PPIC: variants seen among roughly 807,000 people sequenced by gnomAD.
PPIC encodes peptidyl-prolyl cis-trans isomerase C.
In PPIC, 19 loss-of-function variants were observed where a neutral mutation model predicts 19.5. The ratio of observed to expected loss-of-function variants is 0.98; its 90% confidence interval spans 0.68 to 1.43. The LOEUF is 1.43. PPIC is among the 40% of genes most tolerant of loss of function. The probability of loss-of-function intolerance (pLI) is 0.00; values close to 1 mark genes in which losing one functional copy is unlikely to be tolerated. For synonymous variants in PPIC, 107 were observed against 101.2 expected (o/e 1.06, Z -0.34); for missense variants, 268 against 268.6 (o/e 1.00, Z 0.02).
At chr5:123,035,365 C>T (rs1380798383) in intron 1 of PPIC, among the ~76,000 whole-genome samples, 2 of 152,158 alleles carry the variant, frequency 1.3e-5, no homozygotes, top group Admixed American at 1.3e-4. Context: ...AAACCATTTC[C>T]CAAAGTTAGA....
At position 123,036,303 on chromosome 5, in the gene PPIC, GCCCAGC is replaced by G; in HGVS notation, c.117+200_117+205del. The G allele has an allele frequency of 1.7e-6, 1 of 584,494 alleles. No individual in the cohort carries two copies. Among genetic ancestry groups the G allele is most frequent in the Admixed American group, 3.0e-5 (1 of 33,294 alleles). The allele number at this position is 584,494 out of a possible 1,614,324, so 36.2% of individuals were successfully genotyped here. A position where few individuals can be genotyped will look rare whatever the true frequency, so the allele number is the denominator to read the frequency against. On this transcript the variant is annotated intron_variant, in intron 1 of 4. Transcript: ENST00000306442. This position sits in a 1 kb window ranked among gnomAD's most constrained non-coding sequence, Gnocchi z 4.5. Reference sequence around the variant, plus strand: ...CTGCGGCGGAGGTAGGCTGGCCTCAGCCCAGCTCCCCCAGGGTCTCCCCCGGAGCGC... The same window carrying G: ...CTGCGGCGGAGGTAGGCTGGCCTCAGTCCCCCAGGGTCTCCCCCGGAGCGC...
chr5:123,028,357 C>G lies in PPIC; in HGVS notation c.325+418G>C, dbSNP rs45627139. 3.2e-3 allele frequency: 523 copies of G among 161,708 alleles called. 4 individuals carry two copies. The highest frequency in any genetic ancestry group is 0.012 in the African/African-American group (498 of 41,922). The allele number at this position is 161,708 out of a possible 1,614,324, so 10.0% of individuals were successfully genotyped here. A position where few individuals can be genotyped will look rare whatever the true frequency, so the allele number is the denominator to read the frequency against. On this transcript the variant is annotated intron_variant, in intron 3 of 4. Coordinates refer to ENST00000306442, the MANE Select transcript of PPIC (RefSeq NM_000943.5). Reference sequence around the variant, plus strand: ...GTGCGCTGTGACCCTGCTGCTAACTCTAGTCTCAATCTCCTGGCATGAGGC... The same window carrying G: ...GTGCGCTGTGACCCTGCTGCTAACTGTAGTCTCAATCTCCTGGCATGAGGC...
intron 1 of PPIC, among the ~76,000 whole-genome samples, chr5:123,031,411 G>A (rs988046119): frequency 6.6e-6 from 1 of 152,172 alleles, no homozygotes; most frequent in Non-Finnish European, 1.5e-5. Flanking sequence ...GAGGAGGGGA[G>A]CCATCTCCCC....
chr5:123,035,970 C>T (rs2150191451), intron 1 of PPIC, among the ~76,000 whole-genome samples: 1 of 152,250 alleles, frequency 6.6e-6, no homozygotes, highest in South Asian at 2.1e-4. Flanking sequence ...GACGGTTCCC[C>T]AAAAGAGGCG....
chr5:123,024,124 TGG>T, intron 4 of PPIC, 121 bp from the exon 5 acceptor site: 2 of 1,145,152 alleles, frequency 1.7e-6, no homozygotes, highest in Non-Finnish European at 2.4e-6. Context: ...GTTGGTTGGT[TGG>T]TTTTTTATGA....
Position 123,036,515 on chromosome 5 carries a change from C to A in PPIC, c.111G>T (p.Thr37=), listed in dbSNP as rs767757035. Residue 37 remains threonine, a synonymous_variant, in exon 1 of 5, where the codon ACG becomes ACT. Transcript: ENST00000306442. The surrounding 1 kb of genome is among the most constrained non-coding windows in gnomAD (Gnocchi z 4.5). ...EGFRKRGPSV[T]AKVFFDVRIG... Reference sequence around the variant, plus strand: ...GCCCGCCGCTCTCGGTCACCTTGGCCGTCACCGAGGGGCCTCGCTTGCGGA... The same window carrying A: ...GCCCGCCGCTCTCGGTCACCTTGGCAGTCACCGAGGGGCCTCGCTTGCGGA... The A allele has an allele frequency of 2.5e-6, 4 of 1,606,526 alleles. No individual in the cohort carries two copies. The highest frequency in any genetic ancestry group is 2.2e-5 in the East Asian group (1 of 44,684).
intron 1 of PPIC, among the ~76,000 whole-genome samples, chr5:123,034,909 A>C (rs762629174): frequency 5.3e-5 from 8 of 152,174 alleles, no homozygotes; most frequent in Non-Finnish European, 1.0e-4. Context: ...CTGAGTGACC[A>C]CATAAATTTC....
intron 1 of PPIC, among the ~76,000 whole-genome samples, chr5:123,029,744 A>G (rs1167121641): frequency 6.6e-6 from 1 of 152,128 alleles, no homozygotes; most frequent in Non-Finnish European, 1.5e-5. Context: ...ACCCCAGACA[A>G]ACGCTGCTGC....
In PPIC at chr5:123,028,975, A is replaced by G. The variant is rs530790890; in HGVS notation, c.232-107T>C. On this transcript the variant is annotated intron_variant, in intron 2 of 4. Coordinates refer to ENST00000306442, the MANE Select transcript of PPIC (RefSeq NM_000943.5). Reference sequence around the variant, plus strand: ...ACTGAGAAAATTAAACAAAATGCCTACAGAACTTGATTCTATCCCAGCTAT... The same window carrying G: ...ACTGAGAAAATTAAACAAAATGCCTGCAGAACTTGATTCTATCCCAGCTAT... 3.1e-5 allele frequency: 32 copies of G among 1,030,028 alleles called. No individual in the cohort carries two copies. The South Asian group carries it at 5.1e-4, about 16-fold the overall frequency. The allele number at this position is 1,030,028 out of a possible 1,614,324, so 63.8% of individuals were successfully genotyped here.
chr5:123,033,589 C>G (rs1232651940), intron 1 of PPIC, among the ~76,000 whole-genome samples: 1 of 152,194 alleles, frequency 6.6e-6, no homozygotes, highest in Non-Finnish European at 1.5e-5. Flanking sequence ...CTAAATAAAC[C>G]TTTTTTCTTC....
At chr5:123,033,397 G>C (rs1214420794) in intron 1 of PPIC, among the ~76,000 whole-genome samples, 1 of 152,076 alleles carries the variant, frequency 6.6e-6, no homozygotes, top group Non-Finnish European at 1.5e-5. Context: ...TTCTCACTTT[G>C]TTAGTTCCCA....
intron 1 of PPIC, among the ~76,000 whole-genome samples, chr5:123,035,525 C>G (rs1354392520): frequency 2.6e-5 from 4 of 152,194 alleles, no homozygotes; most frequent in Non-Finnish European, 4.4e-5. Flanking sequence ...TAGTCCTCCC[C>G]GTCCTCAGGT....
At chr5:123,029,065 TA>T in intron 2 of PPIC, 197 bp from the exon 3 acceptor site, 1 of 826,390 alleles carries the variant, frequency 1.2e-6, no homozygotes, top group Non-Finnish European at 1.8e-6. Flanking sequence ...AGTAGAGTAT[TA>T]ATGTGAATAA....
intron 1 of PPIC, among the ~76,000 whole-genome samples, chr5:123,030,926 G>A (rs1319904253): frequency 6.6e-6 from 1 of 152,140 alleles, no homozygotes; most frequent in African/African-American, 2.4e-5. Context: ...AAATAAAGAA[G>A]AGAAAACAAA....
intron 3 of PPIC, among the ~76,000 whole-genome samples, chr5:123,028,262 T>TA (rs754433298): frequency 2.0e-5 from 3 of 152,198 alleles, no homozygotes; most frequent in African/African-American, 7.2e-5. Context: ...GGTTAAATCT[T>TA]AAAAGTTCTC....
chr5:123,027,387 G>A (rs777065582), intron 3 of PPIC, among the ~76,000 whole-genome samples: 2 of 152,172 alleles, frequency 1.3e-5, no homozygotes, highest in Non-Finnish European at 2.9e-5. Context: ...AGGGAAGGTA[G>A]TGAGAAAAAA....
intron 1 of PPIC, among the ~76,000 whole-genome samples, chr5:123,030,690 T>A (rs35983935): frequency 0.071 from 10,848 of 152,210 alleles, 523 homozygotes; most frequent in Non-Finnish European, 0.11. Flanking sequence ...GGGCAGTGTA[T>A]TAAAGGAGTG....
rs757318789 is a variant in PPIC, at chr5:123,029,296, G to C, written c.231+9C>G. On this transcript the variant is annotated intron_variant, in intron 2 of 4. Transcript: ENST00000306442. ...GACCCAATTTAAAGGAAATAAAATT[G>C]AGACATACCTCTCCTGTTGCTAGAG... The C allele has an allele frequency of 5.6e-6, 9 of 1,613,908 alleles. No individual in the cohort carries two copies. The highest frequency in any genetic ancestry group is 1.7e-5 in the Admixed American group (1 of 59,992).
At chr5:123,026,332 C>T (rs1762852920) in intron 3 of PPIC, among the ~76,000 whole-genome samples, 1 of 152,150 alleles carries the variant, frequency 6.6e-6, no homozygotes, top group South Asian at 2.1e-4. Context: ...TTGAGCCATC[C>T]TAGTGGCTGT....
Sources: allele counts gnomAD v4.1 joint callset (sites outside exome capture counted in the v4.1 genomes callset), GRCh38; gene constraint gnomAD v4.1.1; non-coding constraint Gnocchi (gnomAD v3.1); transcripts MANE v1.5; gene names NCBI Gene and HGNC (gene_info 2026-07-23, HGNC 2026-07-21).